ELOVL5: variants seen among roughly 807,000 people sequenced by gnomAD.
The protein encoded by ELOVL5 is very long chain fatty acid elongase 5.
A neutral mutation model predicts 38.6 loss-of-function variants in ELOVL5; 8 were observed. The ratio of observed to expected loss-of-function variants is 0.21; its 90% CI spans 0.12 to 0.37. The LOEUF is 0.37. Among genes scored for constraint, ELOVL5 ranks in the 10% least tolerant of loss-of-function variants. The pLI, the probability that ELOVL5 is intolerant of heterozygous loss-of-function variation, is 1.00. For missense variants in ELOVL5, 280 were observed against 367.8 expected, an observed-to-expected ratio of 0.76 and a Z score of 1.95; for synonymous variants, 127 against 133.7, an observed-to-expected ratio of 0.95 and a Z score of 0.34.
At chr6:53,283,111 C>T (rs1424526551) in intron 3 of ELOVL5, among the ~76,000 whole-genome samples, 1 of 152,186 alleles carries the variant, frequency 6.6e-6, no homozygotes, top group Non-Finnish European at 1.5e-5. Flanking sequence ...CTGGTTCTAG[C>T]AACGTGGCAA....
chr6:53,276,501 C>T (rs959349434), intron 3 of ELOVL5, among the ~76,000 whole-genome samples: 1 of 152,188 alleles, frequency 6.6e-6, no homozygotes, highest in African/African-American at 2.4e-5. Context: ...CCTTCCTTTA[C>T]CACGCTGCTT....
chr6:53,277,017 T>A (rs572940303), intron 3 of ELOVL5: 1 of 145,312 alleles, frequency 6.9e-6, no homozygotes, highest in Admixed American at 6.7e-5. Flanking sequence ...CCAGCAGTTA[T>A]CACGGGCCCC....
At position 53,348,931 on chromosome 6, in the gene ELOVL5, G is replaced by A. The variant is rs1254152819; in HGVS notation, c.-123C>T. The stretch of plus-strand genomic sequence containing the variant: ...TGTAGAAGGAGACACCGGTGGCTAG[G>A]ACCCGCGCGATGGGAAGAGGAAGGC... On this transcript the variant is annotated 5_prime_UTR_variant, in exon 1 of 8. Transcript: ENST00000304434. The A allele has an allele frequency of 1.8e-5, 8 of 438,448 alleles. No individual in the cohort carries two copies. The highest frequency in any genetic ancestry group is 5.1e-5 in the Admixed American group (2 of 39,424). The allele number at this position is 438,448 out of a possible 1,614,324, so 27.2% of individuals were successfully genotyped here. A position where few individuals can be genotyped will look rare whatever the true frequency, so the allele number is the denominator to read the frequency against.
intron 1 of ELOVL5, among the ~76,000 whole-genome samples, chr6:53,333,332 T>C (rs1006793669): frequency 3.9e-5 from 6 of 152,238 alleles, no homozygotes; most frequent in Admixed American, 6.5e-5. Flanking sequence ...CTTTCTTCGT[T>C]TGGAAAACAT....
At chr6:53,298,851 A>G (rs1767125789) in intron 1 of ELOVL5, among the ~76,000 whole-genome samples, 1 of 144,870 alleles carries the variant, frequency 6.9e-6, no homozygotes, top group Non-Finnish European at 1.5e-5. Flanking sequence ...GTCCACTTGT[A>G]AGCCCTAACA....
chr6:53,321,982 C>T (rs1180344923), intron 1 of ELOVL5, among the ~76,000 whole-genome samples: 1 of 152,194 alleles, frequency 6.6e-6, no homozygotes, highest in Admixed American at 6.5e-5. Flanking sequence ...GAACTGTCTG[C>T]ATTCCACAAA....
intron 1 of ELOVL5, among the ~76,000 whole-genome samples, chr6:53,333,446 C>T (rs934458822): frequency 1.3e-5 from 2 of 152,182 alleles, no homozygotes; most frequent in African/African-American, 4.8e-5. Flanking sequence ...GTGGACAGTA[C>T]AACTGAGACG....
intron 3 of ELOVL5, chr6:53,287,738 G>A (rs1187049798): frequency 3.8e-6 from 3 of 798,194 alleles, no homozygotes; most frequent in Non-Finnish European, 6.2e-6. Context: ...GGTTTGAGTA[G>A]AGCTCAGCAT....
At chr6:53,338,192 C>G (rs774026243) in intron 1 of ELOVL5, among the ~76,000 whole-genome samples, 23 of 152,158 alleles carry the variant, frequency 1.5e-4, no homozygotes, top group Non-Finnish European at 2.9e-4. Context: ...TGTTTGCCTA[C>G]ATTTTAAATT....
At chr6:53,301,757 C>T (rs753584839) in intron 1 of ELOVL5, among the ~76,000 whole-genome samples, 8 of 152,124 alleles carry the variant, frequency 5.3e-5, no homozygotes, top group Non-Finnish European at 7.4e-5. Context: ...TCCTTTTTAA[C>T]GCACATTTTC....
rs1274793065 is a variant in ELOVL5, at chr6:53,282,493, C to T, written c.247-6237G>A. ...GAATGAAGGATGTTTGAGCTGCATC[C>T]TTCTCTCCATTCTCCCTACCGTGAG... On this transcript the variant is annotated intron_variant, in intron 3 of 7. Transcript: ENST00000304434. Among the ~76,000 whole-genome samples, 7 of 152,344 alleles carry T rather than the reference C, an allele frequency of 4.6e-5. No individual in the cohort carries two copies. In the East Asian group the frequency reaches 9.7e-4, roughly 21 times the overall value.
At chr6:53,298,228 C>T (rs1389297167) in intron 1 of ELOVL5, among the ~76,000 whole-genome samples, 1 of 152,184 alleles carries the variant, frequency 6.6e-6, no homozygotes, top group Non-Finnish European at 1.5e-5. Context: ...GCATCCCAAA[C>T]AGCCAAATGA....
At chr6:53,321,305 CG>C (rs1330895087) in intron 1 of ELOVL5, among the ~76,000 whole-genome samples, 1 of 152,236 alleles carries the variant, frequency 6.6e-6, no homozygotes, top group Non-Finnish European at 1.5e-5. Flanking sequence ...TCACCATCCA[CG>C]GTTCTGCATT....
chr6:53,309,450 G>C (rs1767733679), intron 1 of ELOVL5, among the ~76,000 whole-genome samples: 1 of 152,076 alleles, frequency 6.6e-6, no homozygotes, highest in Non-Finnish European at 1.5e-5. Flanking sequence ...AAACTGAGCT[G>C]CTTCCTATTA....
chr6:53,343,223 T>C (rs956991430), intron 1 of ELOVL5, among the ~76,000 whole-genome samples: 7 of 68,724 alleles, frequency 1.0e-4, no homozygotes, highest in Non-Finnish European at 1.5e-4. Flanking sequence ...TCTTTCTTTA[T>C]TTATTTTGGG....
chr6:53,310,177 G>C (rs2127582423), intron 1 of ELOVL5, among the ~76,000 whole-genome samples: 2 of 152,244 alleles, frequency 1.3e-5, no homozygotes, highest in South Asian at 4.1e-4. Flanking sequence ...GATTTAACTG[G>C]AACTGGGAAG....
intron 6 of ELOVL5, among the ~76,000 whole-genome samples, chr6:53,271,598 T>G (rs1765934743): frequency 6.6e-6 from 1 of 152,202 alleles, no homozygotes; most frequent in Admixed American, 6.5e-5. Flanking sequence ...CACACTGTAT[T>G]TCTAGCAGCT....
chr6:53,331,986 G>A (rs1409153521), intron 1 of ELOVL5, among the ~76,000 whole-genome samples: 1 of 152,156 alleles, frequency 6.6e-6, no homozygotes, highest in Non-Finnish European at 1.5e-5. Flanking sequence ...GAGAGAGGAA[G>A]CAAGACAAAG....
intron 3 of ELOVL5, among the ~76,000 whole-genome samples, chr6:53,284,314 T>TA (rs139076867): frequency 1.4e-5 from 2 of 138,814 alleles, no homozygotes; most frequent in South Asian, 2.2e-4. Context: ...TTTTTTTTTT[T>TA]AAAAAAAAAG....
Sources: gnomAD v4.1 joint callset for allele counts (sites outside exome capture counted in the v4.1 genomes callset) on GRCh38, gnomAD v4.1.1 for gene constraint, MANE v1.5 for transcripts, NCBI Gene and HGNC (gene_info 2026-07-23, HGNC 2026-07-21) for gene names.